Variants in OGG1 observed in about 807,000 individuals in gnomAD.
The protein encoded by OGG1 is 8-oxoguanine DNA glycosylase.
Under a neutral mutation model 42.3 loss-of-function variants are expected in OGG1, and 35 were observed. The observed-to-expected ratio is 0.83, with a 90% CI of 0.63 to 1.10. The LOEUF is 1.10. Among genes scored for constraint, OGG1 ranks in the 50% least tolerant of loss-of-function variants. OGG1 has a pLI of 0.00. For missense variants in OGG1, 484 were observed against 446.7 expected, an observed-to-expected ratio of 1.08 and a Z score of -0.75; for synonymous variants, 189 against 179.0, an observed-to-expected ratio of 1.06 and a Z score of -0.44.
At chr3:9,757,671 C>G, downstream of OGG1, 1 of 1,614,088 alleles carries the variant, frequency 6.2e-7, no homozygotes, top group Non-Finnish European at 8.5e-7. The surrounding 1 kb of genome is among the most constrained non-coding windows in gnomAD (Gnocchi z 4.5). Context: ...GCCCTCCACT[C>G]CAGCCCGGGT....
chr3:9,752,226 A>C (rs188235157), intron 3 of OGG1: 70 of 505,304 alleles, frequency 1.4e-4, no homozygotes, highest in African/African-American at 1.2e-3. Flanking sequence ...AAGAGCATGC[A>C]TTCTGGGGAC....
At chr3:9,750,696 G>A in intron 1 of OGG1, 1 of 685,128 alleles carries the variant, frequency 1.5e-6, no homozygotes, top group East Asian at 2.7e-5. Flanking sequence ...TAGGAATGCA[G>A]AGAGGCCCAT....
chr3:9,782,571 A>G (rs1364417001), intron 3 of OGG1, among the ~76,000 whole-genome samples: 5 of 152,224 alleles, frequency 3.3e-5, no homozygotes, highest in African/African-American at 1.2e-4. Context: ...AGTAATCTGC[A>G]AGTCCCTTGC....
downstream of OGG1, chr3:9,762,015 C>A (rs1215989057): frequency 1.0e-5 from 4 of 395,990 alleles, no homozygotes; most frequent in Non-Finnish European, 1.8e-5. Context: ...GTTTGAATGC[C>A]TATTTTATGC....
downstream of OGG1, chr3:9,759,404 C>T: frequency 6.3e-7 from 1 of 1,588,480 alleles, no homozygotes; most frequent in Non-Finnish European, 8.6e-7. Flanking sequence ...CAGTGTGATG[C>T]CAGGTGCTGT....
At chr3:9,778,327 T>A (rs2125610434) in intron 2 of OGG1, among the ~76,000 whole-genome samples, 1 of 152,350 alleles carries the variant, frequency 6.6e-6, no homozygotes, top group South Asian at 2.1e-4. Context: ...GCCCAGCACC[T>A]AGTGGGAGGC....
intron 3 of OGG1, among the ~76,000 whole-genome samples, chr3:9,753,945 C>A (rs1330505488): frequency 6.6e-6 from 1 of 152,140 alleles, no homozygotes; most frequent in Non-Finnish European, 1.5e-5. Context: ...TGAGACCAGC[C>A]TGGGCAACAT....
downstream of OGG1, chr3:9,759,423 A>C: frequency 6.2e-7 from 1 of 1,607,658 alleles, no homozygotes; most frequent in Non-Finnish European, 8.5e-7. Context: ...GTGCAAGCTG[A>C]GCCTGGGTAG....
intron 3 of OGG1, chr3:9,787,590 T>C (rs2078645868): frequency 9.4e-7 from 1 of 1,061,510 alleles, no homozygotes; most frequent in Non-Finnish European, 1.3e-6. Flanking sequence ...AGATAGAAGG[T>C]GCAGAATACG....
rs548981683 is a variant in OGG1 at position 9,756,767 on chromosome 3, G to A, written c.899G>A (p.Gly300Glu). The A allele has an allele frequency of 1.2e-6, 2 of 1,614,136 alleles. No individual in the cohort carries two copies. The highest frequency in any genetic ancestry group is 2.2e-5 in the East Asian group (1 of 44,884). ...CTTAGTCTCATCACTTCTGATTTAG[G>A]AAACTTTTTCCGGAGCCTGTGGGGA... ...GPSPQTNKEL[G>E]NFFRSLWGPY... is the part of the protein sequence containing the mutation. Residue 300 changes from glycine to glutamate, a missense_variant and splice_region_variant, in exon 6 of 7, where the codon GGA becomes GAA. By Grantham distance (98) the Gly-to-Glu change is moderately conservative. Coordinates refer to ENST00000344629, the MANE Select transcript of OGG1 (RefSeq NM_002542.6).
chr3:9,791,005 T>C (rs2078717114), downstream of OGG1, among the ~76,000 whole-genome samples: 1 of 152,188 alleles, frequency 6.6e-6, no homozygotes, highest in Non-Finnish European at 1.5e-5. Flanking sequence ...CTCTAATGAC[T>C]AGCATAGGAC....
rs1451056869 is a variant in OGG1 at position 9,750,350 on chromosome 3, C to T, written c.64C>T (p.Leu22=). 6 of 1,614,058 alleles carry T rather than the reference C, an allele frequency of 3.7e-6. No individual in the cohort carries two copies. The highest frequency in any genetic ancestry group is 1.1e-5 in the South Asian group (1 of 91,090). The change falls in exon 1 of 7, where the codon CTG becomes TTG. Residue 22 remains leucine (L), a synonymous_variant. Transcript: ENST00000344629. ...GHRTLASTPA[L]WASIPCPRSE... ...TCGTACTCTAGCCTCCACTCCTGCCCTGTGGGCCTCCATCCCGTGCCCTCG... is the reference window on the plus strand; with the variant it reads ...TCGTACTCTAGCCTCCACTCCTGCCTTGTGGGCCTCCATCCCGTGCCCTCG...
chr3:9,786,480 G>C (rs970342853), intron 3 of OGG1, among the ~76,000 whole-genome samples: 21 of 151,850 alleles, frequency 1.4e-4, no homozygotes, highest in African/African-American at 5.1e-4. Context: ...GTGTGTCTAA[G>C]GTCAACCAGC....
intron 2 of OGG1, chr3:9,780,313 C>T: frequency 6.4e-7 from 1 of 1,559,574 alleles, no homozygotes; most frequent in Non-Finnish European, 8.7e-7. Context: ...GGCCTCCCTT[C>T]CCCTCCCCTA....
In OGG1 at chr3:9,751,191, A is replaced by G; in HGVS notation, c.384A>G (p.Gln128=). ...TCCAAGAGGTGGCTCAGAAATTCCA[A>G]GGTGAGTACAGGACCTGGGCTGGGG... ...SHFQEVAQKF[Q]GVRLLRQDPI... is the part of the protein sequence containing the mutation. The change falls in exon 2 of 7, where the codon CAA becomes CAG. Residue 128 remains glutamine (Q), a splice_region_variant and synonymous_variant. Coordinates refer to ENST00000344629, the MANE Select transcript of OGG1 (RefSeq NM_002542.6). The G allele has an allele frequency of 1.9e-6, 3 of 1,613,782 alleles. No homozygotes were observed. The highest frequency in any genetic ancestry group is 1.1e-5 in the South Asian group (1 of 90,900).
downstream of OGG1, chr3:9,789,430 G>T: frequency 7.5e-7 from 1 of 1,338,800 alleles, no homozygotes. Flanking sequence ...GATGATGCAT[G>T]GCTTTGGTAG....
downstream of OGG1, chr3:9,759,688 C>T (rs1447078012): frequency 6.2e-7 from 1 of 1,614,096 alleles, no homozygotes; most frequent in Non-Finnish European, 8.5e-7. Flanking sequence ...TGCTGCAAGG[C>T]CTGCTCACAG....
At chr3:9,761,764 G>A (rs1183787288), downstream of OGG1, 1 of 1,614,044 alleles carries the variant, frequency 6.2e-7, no homozygotes, top group South Asian at 1.1e-5. Flanking sequence ...CTGGCTTGAA[G>A]GGCAGGAGGG....
chr3:9,775,750 C>T (rs536896557), intron 2 of OGG1, among the ~76,000 whole-genome samples: 12 of 152,240 alleles, frequency 7.9e-5, no homozygotes, highest in African/African-American at 2.6e-4. Context: ...AGCAATTCTC[C>T]TGCCTCAGCC....
Sources: allele counts gnomAD v4.1 joint callset (sites outside exome capture counted in the v4.1 genomes callset), GRCh38; gene constraint gnomAD v4.1.1; non-coding constraint Gnocchi (gnomAD v3.1); transcripts MANE v1.5; gene names NCBI Gene and HGNC (gene_info 2026-07-23, HGNC 2026-07-21).